KIAA1958: variants seen among roughly 807,000 people sequenced by gnomAD.
KIAA1958 encodes the protein uncharacterized protein KIAA1958.
KIAA1958 carries 14 observed loss-of-function variants against 47.2 expected under a neutral mutation model. The observed-to-expected ratio is 0.30, with a 90% confidence interval of 0.20 to 0.46. KIAA1958 has a LOEUF of 0.46. Ranked by LOEUF, KIAA1958 falls within the 20% of genes least tolerant of loss-of-function variation. The pLI, the probability that KIAA1958 is intolerant of heterozygous loss-of-function variation, is 1.00. For missense variants in KIAA1958, 803 were observed against 909.2 expected, an observed-to-expected ratio of 0.88 and a Z score of 1.50; for synonymous variants, 354 against 353.3, an observed-to-expected ratio of 1.00 and a Z score of -0.02.
chr9:112,558,148 C>A (rs961199968), intron 1 of KIAA1958, among the ~76,000 whole-genome samples: 1 of 152,004 alleles, frequency 6.6e-6, no homozygotes, highest in Non-Finnish European at 1.5e-5. Flanking sequence ...TCGCTTGAAC[C>A]CGGGAGGCGG....
intron 1 of KIAA1958, among the ~76,000 whole-genome samples, chr9:112,497,682 T>A (rs973311161): frequency 1.6e-4 from 24 of 152,268 alleles, no homozygotes; most frequent in African/African-American, 5.5e-4. Flanking sequence ...GTTTTTTTTT[T>A]AATTCTCCAA....
At chr9:112,607,422 A>G (rs1472946546) in intron 2 of KIAA1958, among the ~76,000 whole-genome samples, 4 of 152,086 alleles carry the variant, frequency 2.6e-5, no homozygotes, top group Non-Finnish European at 5.9e-5. Context: ...GAGGTGGTCC[A>G]TGCTCAGTGG....
chr9:112,539,434 G>T (rs906423709), intron 1 of KIAA1958, among the ~76,000 whole-genome samples: 1 of 152,162 alleles, frequency 6.6e-6, no homozygotes, highest in East Asian at 1.9e-4. Context: ...AGTTATAAAA[G>T]ACTACATATT....
At chr9:112,570,812 T>A (rs1835519895) in intron 1 of KIAA1958, among the ~76,000 whole-genome samples, 1 of 152,224 alleles carries the variant, frequency 6.6e-6, no homozygotes, top group South Asian at 2.1e-4. Context: ...ACAGGCTGTC[T>A]GCTAGCTGGA....
At chr9:112,569,345 T>C (rs1000249369) in intron 1 of KIAA1958, among the ~76,000 whole-genome samples, 1 of 152,242 alleles carries the variant, frequency 6.6e-6, no homozygotes, top group Admixed American at 6.5e-5. Flanking sequence ...ACCATTGCAT[T>C]AAGTGTCTTC....
Position 112,499,443 on chromosome 9 carries a change from T to G in KIAA1958, c.-25+12325T>G, listed in dbSNP as rs74987501. ...TTAAGGAATGTTCTGCTTTAAAAGT[T>G]GTGGGTCATATGATAATGTAGTCTT... On this transcript the variant is annotated intron_variant, in intron 1 of 3. Coordinates refer to ENST00000337530, the MANE Select transcript of KIAA1958 (RefSeq NM_133465.4). 3.5e-3 allele frequency among the ~76,000 whole-genome samples: 527 copies of G among 152,286 alleles called. 25 individuals are homozygous for G. In the East Asian group the frequency reaches 0.095, roughly 27 times the overall value.
intron 2 of KIAA1958, among the ~76,000 whole-genome samples, chr9:112,636,935 A>AT (rs1265566408): frequency 1.3e-5 from 2 of 151,992 alleles, no homozygotes; most frequent in Non-Finnish European, 2.9e-5. Context: ...CTTGTTTTTG[A>AT]TTAAACAAGT....
At chr9:112,532,250 T>G (rs1384246234) in intron 1 of KIAA1958, among the ~76,000 whole-genome samples, 2 of 152,204 alleles carry the variant, frequency 1.3e-5, no homozygotes, top group Admixed American at 6.5e-5. Context: ...TATATTCCAG[T>G]CTTCAAATAA....
At chr9:112,545,679 C>A (rs1015079892) in intron 1 of KIAA1958, among the ~76,000 whole-genome samples, 1 of 152,042 alleles carries the variant, frequency 6.6e-6, no homozygotes, top group Non-Finnish European at 1.5e-5. Context: ...ACTTACAGAG[C>A]ATCTGGGAGA....
At chr9:112,581,239 A>G (rs528801819) in intron 2 of KIAA1958, among the ~76,000 whole-genome samples, 1 of 152,308 alleles carries the variant, frequency 6.6e-6, no homozygotes, top group Admixed American at 6.5e-5. Flanking sequence ...TGAGGACCAA[A>G]TGCAAAAATA....
intron 1 of KIAA1958, among the ~76,000 whole-genome samples, chr9:112,534,007 G>A (rs1159689869): frequency 6.6e-6 from 1 of 152,178 alleles, no homozygotes; most frequent in African/African-American, 2.4e-5. Flanking sequence ...TAGCTGCTAA[G>A]TACAGAGCCT....
rs1461499449 is a variant in KIAA1958, at chr9:112,603,896, G to T, written c.1171+28645G>T. ...TACATTCTTATTTAATAAGCTCATG[G>T]ACTTATCAGTCACTGGTATGTAAAG... is the stretch of plus-strand genomic sequence containing the variant. On this transcript the variant is annotated intron_variant, in intron 2 of 3. Transcript: ENST00000337530. 7.9e-5 allele frequency among the ~76,000 whole-genome samples: 12 copies of T among 152,224 alleles called. No homozygotes were observed. In the South Asian group the frequency reaches 2.1e-3, roughly 26 times the overall value.
chr9:112,519,495 A>T (rs1343878829), intron 1 of KIAA1958, among the ~76,000 whole-genome samples: 1 of 152,232 alleles, frequency 6.6e-6, no homozygotes, highest in Non-Finnish European at 1.5e-5. Flanking sequence ...CAAAAGCTTT[A>T]TCGAAAACAT....
chr9:112,533,023 C>CA (rs1272657633), intron 1 of KIAA1958, among the ~76,000 whole-genome samples: 1 of 151,812 alleles, frequency 6.6e-6, no homozygotes, highest in Non-Finnish European at 1.5e-5. Context: ...GGTAGTACAG[C>CA]AAAAATGAAA....
chr9:112,633,890 AT>A (rs1388399174), intron 2 of KIAA1958, among the ~76,000 whole-genome samples: 4 of 152,124 alleles, frequency 2.6e-5, no homozygotes, highest in Non-Finnish European at 5.9e-5. Flanking sequence ...TCCTAGGGTT[AT>A]TTCCAGTTTG....
At chr9:112,498,702 T>G (rs1441201140) in intron 1 of KIAA1958, among the ~76,000 whole-genome samples, 2 of 152,210 alleles carry the variant, frequency 1.3e-5, no homozygotes, top group Non-Finnish European at 2.9e-5. Context: ...GTATACAACG[T>G]ATAATGATCA....
At chr9:112,648,329 C>A (rs1000991982) in intron 3 of KIAA1958, among the ~76,000 whole-genome samples, 2 of 152,194 alleles carry the variant, frequency 1.3e-5, no homozygotes, top group Non-Finnish European at 2.9e-5. Context: ...AGCTGAGAGT[C>A]CAGAGAGACC....
rs140741591 is a variant in KIAA1958, at chr9:112,645,901, G to T, written c.1344+79G>T. ...GCCAGGCACTGTGCTAAGCATTGTA[G>T]GGAACACAGAACGGTGGCTTTCTGC... On this transcript the variant is annotated intron_variant, in intron 3 of 3. Transcript: ENST00000337530. 3.1e-6 allele frequency: 4 copies of T among 1,277,692 alleles called. No homozygotes were observed. The East Asian group carries it at 1.0e-4, about 32-fold the overall frequency. 79.1% of individuals were successfully genotyped at this position (1,277,692 alleles called of 1,614,324 possible).
chr9:112,509,404 T>G (rs993388661), intron 1 of KIAA1958, among the ~76,000 whole-genome samples: 2 of 152,226 alleles, frequency 1.3e-5, no homozygotes, highest in South Asian at 4.1e-4. Context: ...TTTCACCATG[T>G]TGGTCAGGCT....
Sources: gnomAD v4.1 joint callset for allele counts (sites outside exome capture counted in the v4.1 genomes callset) on GRCh38, gnomAD v4.1.1 for gene constraint, MANE v1.5 for transcripts, NCBI Gene and HGNC (gene_info 2026-07-23, HGNC 2026-07-21) for gene names.